PIEZO1: variants seen among roughly 807,000 people sequenced by gnomAD.
PIEZO1 encodes piezo-type mechanosensitive ion channel component 1.
In PIEZO1, 296 loss-of-function variants were observed where a neutral mutation model predicts 297.2. That is an observed-to-expected ratio of 1.00 (90% CI 0.91 to 1.10). The LOEUF (loss-of-function observed/expected upper bound fraction) is 1.10. Among genes scored for constraint, PIEZO1 ranks in the 50% least tolerant of loss-of-function variants. PIEZO1 has a pLI of 0.00. For synonymous variants in PIEZO1, 2,427 were observed against 1,507.5 expected, an observed-to-expected ratio of 1.61 and a Z score of -14.13; for missense variants, 5,018 against 3,455.5, an observed-to-expected ratio of 1.45 and a Z score of -11.34.
At chr16:88,736,934 C>G (rs918702374) in intron 10 of PIEZO1, 195 bp from the exon 11 acceptor site, 248 of 481,200 alleles carry the variant, frequency 5.2e-4, no homozygotes, top group Non-Finnish European at 5.4e-4. Context: ...CCTGCCAGCA[C>G]CTGCCGTTCT....
chr16:88,737,000 C>G, intron 10 of PIEZO1: 2 of 377,948 alleles, frequency 5.3e-6, no homozygotes, highest in Admixed American at 4.5e-5. Context: ...CCCTTTCCAG[C>G]TCTGCGCACC....
At position 88,736,296 on chromosome 16, in the gene PIEZO1, A is replaced by T; in HGVS notation, c.1409T>A (p.Ile470Asn). 1.3e-6 allele frequency: 2 copies of T among 1,550,216 alleles called. No individual in the cohort carries two copies. Among genetic ancestry groups the T allele is most frequent in the Non-Finnish European group, 1.7e-6 (2 of 1,146,866 alleles). ...GCACAGCGTCATCCCATACAGCAGG[A>T]TGCAGGGCGAGCACAGCATGGCCAG... ...HQLAMLCSPCILLYGMTLCCL... is the reference protein window; with the variant it reads ...HQLAMLCSPCNLLYGMTLCCL... The change falls in exon 12 of 51, where the codon ATC becomes AAC. Residue 470 changes from isoleucine to asparagine, a missense_variant. Coordinates refer to ENST00000301015, the MANE Select transcript of PIEZO1 (RefSeq NM_001142864.4).
chr16:88,742,257 C>T, intron 3 of PIEZO1, 43 bp downstream of exon 3: 5 of 1,518,522 alleles, frequency 3.3e-6, no homozygotes, highest in Non-Finnish European at 4.4e-6. Flanking sequence ...CTCTCCCTGA[C>T]CCCCAGGATG....
Position 88,725,478 on chromosome 16 carries a change from C to T in PIEZO1, c.4100G>A (p.Gly1367Asp). The T allele has an allele frequency of 6.6e-7, 1 of 1,522,762 alleles. No individual in the cohort carries two copies. Among genetic ancestry groups the T allele is most frequent in the Non-Finnish European group, 8.8e-7 (1 of 1,131,122 alleles). The allele number at this position is 1,522,762 out of a possible 1,614,324, so 94.3% of individuals were successfully genotyped here. ...CTGGGGGCGACTGCGGTCCACCCGG[C>T]CCTGCCTGTGCTTCTCCTGCTTGGC... ...IRAKQEKHRQ[G>D]RVDRSRPQDT... Residue 1367 changes from glycine (G) to aspartate (D), a missense_variant, in exon 29 of 51, where the codon GGC (glycine) becomes GAC (aspartate). By Grantham distance (94) the Gly-to-Asp change is moderately conservative. Coordinates refer to ENST00000301015, the MANE Select transcript of PIEZO1 (RefSeq NM_001142864.4).
rs1444382575 is a variant in PIEZO1, at chr16:88,738,453, G to A, written c.635-13C>T. On this transcript the variant is annotated splice_polypyrimidine_tract_variant and intron_variant, in intron 6 of 50. Coordinates refer to ENST00000301015, the MANE Select transcript of PIEZO1 (RefSeq NM_001142864.4). ...GGGTGGGCGATGCCTGCGGGGCAGG[G>A]GCACACAGGGTGGTACCTGGCCAGT... 1 of 1,534,456 alleles carries A rather than the reference G, an allele frequency of 6.5e-7. No individual in the cohort carries two copies. The highest frequency in any genetic ancestry group is 1.2e-5 in the South Asian group (1 of 84,038).
In PIEZO1 at chr16:88,735,174, ACT is replaced by A; in HGVS notation, c.1628_1629del (p.Glu543ValfsTer233). 1.3e-6 allele frequency: 2 copies of A among 1,550,242 alleles called. No homozygotes were observed. Among genetic ancestry groups the A allele is most frequent in the African/African-American group, 1.4e-5 (1 of 73,154 alleles). ...FVKEKLLKWA[E>X]SPAALTEVTV... ...GTGACCTCCGTCAGCGCAGCTGGAGACTCTGCCCACTTCAGCAGCTTCTCTTT... is the reference window on the plus strand; with the variant it reads ...GTGACCTCCGTCAGCGCAGCTGGAGACTGCCCACTTCAGCAGCTTCTCTTT... On this transcript the variant is annotated frameshift_variant, in exon 13 of 51. Coordinates refer to ENST00000301015, the MANE Select transcript of PIEZO1 (RefSeq NM_001142864.4). LOFTEE classifies it high-confidence loss of function.
At position 88,766,125 on chromosome 16, in the gene PIEZO1, G is replaced by A. The variant is rs573769086; in HGVS notation, c.65-16646C>T. On this transcript the variant is annotated intron_variant, in intron 1 of 50. Coordinates refer to ENST00000301015, the MANE Select transcript of PIEZO1 (RefSeq NM_001142864.4). ...TGTGAGGGTTGATTCATGTGTCAGC[G>A]CTGCTGGGCCACGCTGCCCAGTTTA... Among the ~76,000 whole-genome samples the A allele has an allele frequency of 7.9e-5, 12 of 152,308 alleles. No homozygotes were observed. In the South Asian group the frequency reaches 1.0e-3, roughly 13 times the overall value.
chr16:88,737,022 A>G (rs2142829590), intron 10 of PIEZO1: 1 of 338,832 alleles, frequency 3.0e-6, no homozygotes, highest in Non-Finnish European at 5.4e-6. Flanking sequence ...GAAGACTCTC[A>G]GGACCCCCAC....
chr16:88,723,383 G>T (rs573946074), intron 31 of PIEZO1, 55 bp from the exon 32 acceptor site: 6 of 1,528,604 alleles, frequency 3.9e-6, no homozygotes, highest in Non-Finnish European at 5.3e-6. Flanking sequence ...AGACCCAGGC[G>T]GGAAGCTGGG....
At chr16:88,723,377 C>T (rs943337301) in intron 31 of PIEZO1, 49 bp from the exon 32 acceptor site, 81 of 1,531,728 alleles carry the variant, frequency 5.3e-5, no homozygotes, top group Admixed American at 1.2e-4. Flanking sequence ...GCCATCAGAC[C>T]CAGGCGGGAA....
chr16:88,753,922 G>A (rs1252842334), intron 1 of PIEZO1, among the ~76,000 whole-genome samples: 1 of 152,202 alleles, frequency 6.6e-6, no homozygotes, highest in Non-Finnish European at 1.5e-5. Context: ...AAGGGGAGGC[G>A]GGGCCTGAGA....
intron 5 of PIEZO1, 62 bp from the exon 6 acceptor site, chr16:88,738,798 C>T: frequency 7.0e-7 from 1 of 1,419,806 alleles, no homozygotes; most frequent in South Asian, 1.3e-5. Flanking sequence ...CTCTCCAGCC[C>T]ACACCTGCCC....
chr16:88,733,187 A>G, intron 19 of PIEZO1, 91 bp downstream of exon 19: 1 of 1,223,596 alleles, frequency 8.2e-7, no homozygotes, highest in Admixed American at 2.2e-5. Flanking sequence ...TGCTGGCCCC[A>G]CTGCACTGAG....
chr16:88,749,120 G>C (rs904216815), intron 2 of PIEZO1, among the ~76,000 whole-genome samples: 2 of 150,870 alleles, frequency 1.3e-5, no homozygotes, highest in Admixed American at 6.6e-5. Context: ...GGCGCCTGTA[G>C]TCCCAGCTAC....
chr16:88,752,140 T>G (rs148824578), intron 1 of PIEZO1, among the ~76,000 whole-genome samples: 2 of 152,274 alleles, frequency 1.3e-5, no homozygotes, highest in East Asian at 1.9e-4. Flanking sequence ...TGCACAACAA[T>G]GCGAACATGC....
chr16:88,779,288 CTCGGCT>C (rs1405170134), intron 1 of PIEZO1, among the ~76,000 whole-genome samples: 3 of 152,154 alleles, frequency 2.0e-5, no homozygotes, highest in African/African-American at 7.2e-5. Flanking sequence ...ATCCACCTGC[CTCGGCT>C]TCCCAAAGTG....
chr16:88,767,003 C>T (rs1206978159), intron 1 of PIEZO1, among the ~76,000 whole-genome samples: 1 of 152,240 alleles, frequency 6.6e-6, no homozygotes, highest in Non-Finnish European at 1.5e-5. Flanking sequence ...CACCCAAGGT[C>T]CTCACAGTCA....
chr16:88,749,185 A>G (rs1906246920), intron 2 of PIEZO1, among the ~76,000 whole-genome samples, 199 bp downstream of exon 2: 1 of 151,816 alleles, frequency 6.6e-6, no homozygotes, highest in Non-Finnish European at 1.5e-5. Flanking sequence ...GCCTGCAGTG[A>G]GCAGAGATCG....
chr16:88,782,139 A>G lies in PIEZO1; in HGVS notation c.64+2762T>C, dbSNP rs1239090875. 5.9e-5 allele frequency among the ~76,000 whole-genome samples: 9 copies of G among 152,112 alleles called. No individual in the cohort carries two copies. In the East Asian group the frequency reaches 1.5e-3, roughly 26 times the overall value. On this transcript the variant is annotated intron_variant, in intron 1 of 50. Transcript: ENST00000301015. Reference sequence around the variant, plus strand: ...TTTTTTCCTTTTTCTTTTTTGAGACAGGGTCTGTCACCCAGGCTGGAGTGC... The same window carrying G: ...TTTTTTCCTTTTTCTTTTTTGAGACGGGGTCTGTCACCCAGGCTGGAGTGC...
Sources: allele counts gnomAD v4.1 joint callset (sites outside exome capture counted in the v4.1 genomes callset), GRCh38; gene constraint gnomAD v4.1.1; transcripts MANE v1.5; gene names NCBI Gene and HGNC (gene_info 2026-07-23, HGNC 2026-07-21).